Variants in SCML4 observed in about 807,000 individuals in gnomAD.
SCML4 encodes sex comb on midleg-like protein 4.
A neutral mutation model predicts 41.1 loss-of-function variants in SCML4; 34 were observed. The observed-to-expected ratio is 0.83, with a 90% CI of 0.63 to 1.10. The LOEUF (loss-of-function observed/expected upper bound fraction) is 1.10, where lower values mean the gene tolerates loss of function less well. Among genes scored for constraint, SCML4 ranks in the 50% least tolerant of loss-of-function variants. The pLI, the probability that SCML4 is intolerant of heterozygous loss-of-function variation, is 0.00. For synonymous variants in SCML4, 214 were observed against 220.9 expected (o/e 0.97, Z 0.28); for missense variants, 522 against 534.1 (o/e 0.98, Z 0.22).
chr6:107,799,209 G>T (rs566134702), intron 1 of SCML4, among the ~76,000 whole-genome samples: 8 of 152,186 alleles, frequency 5.3e-5, no homozygotes, highest in Middle Eastern at 6.8e-3. Context: ...CTTTATTTCT[G>T]TATGTTTTTG....
At chr6:107,805,190 C>T (rs572506347) in intron 1 of SCML4, among the ~76,000 whole-genome samples, 1 of 152,200 alleles carries the variant, frequency 6.6e-6, no homozygotes, top group South Asian at 2.1e-4. Context: ...GGGTGGCTGT[C>T]AAGGGTGGTG....
chr6:107,791,305 C>T (rs1035564693), intron 1 of SCML4, among the ~76,000 whole-genome samples: 3 of 152,160 alleles, frequency 2.0e-5, no homozygotes, highest in South Asian at 2.1e-4. Context: ...AGATGGCAGA[C>T]GCATGCTAAG....
chr6:107,717,320 G>A (rs573943029), intron 6 of SCML4, among the ~76,000 whole-genome samples: 19 of 149,336 alleles, frequency 1.3e-4, no homozygotes, highest in African/African-American at 4.7e-4. Flanking sequence ...AATCTTCGGA[G>A]AATTAAAGTG....
intron 6 of SCML4, among the ~76,000 whole-genome samples, chr6:107,715,803 C>T (rs1774723096): frequency 6.6e-6 from 1 of 152,196 alleles, no homozygotes; most frequent in Admixed American, 6.5e-5. Context: ...TGCCTGCAGC[C>T]TCATGCAGTT....
At chr6:107,729,381 T>C (rs1441791955) in intron 5 of SCML4, among the ~76,000 whole-genome samples, 4 of 152,208 alleles carry the variant, frequency 2.6e-5, no homozygotes, top group Non-Finnish European at 5.9e-5. Flanking sequence ...GTTTTCTCTG[T>C]GTGTCACGAT....
At chr6:107,818,239 G>C (rs1784695232) in intron 1 of SCML4, among the ~76,000 whole-genome samples, 1 of 152,084 alleles carries the variant, frequency 6.6e-6, no homozygotes, top group South Asian at 2.1e-4. Flanking sequence ...CCAATAAAAG[G>C]GGCAGTGCGC....
intron 1 of SCML4, among the ~76,000 whole-genome samples, chr6:107,788,385 C>A (rs1701758013): frequency 6.6e-6 from 1 of 152,120 alleles, no homozygotes; most frequent in Non-Finnish European, 1.5e-5. Flanking sequence ...AATTGGTAAA[C>A]CCTGTGTGAT....
intron 1 of SCML4, among the ~76,000 whole-genome samples, chr6:107,781,329 G>A (rs885470): frequency 0.43 from 65,858 of 151,916 alleles, 15,143 homozygotes; most frequent in African/African-American, 0.57. Context: ...AATCTCAGTC[G>A]TCCCACATGA....
chr6:107,764,596 C>T (rs1779880755), intron 2 of SCML4, among the ~76,000 whole-genome samples: 1 of 152,180 alleles, frequency 6.6e-6, no homozygotes, highest in East Asian at 1.9e-4. Context: ...TTCATTTCCT[C>T]CTCACCGAAG....
the SCML4 span, among the ~76,000 whole-genome samples, chr6:107,830,663 C>A: frequency 6.6e-6 from 1 of 152,248 alleles, no homozygotes; most frequent in East Asian, 1.9e-4. Context: ...TCATCTTAAT[C>A]TATGTTAGTA....
intron 5 of SCML4, among the ~76,000 whole-genome samples, chr6:107,727,344 G>C (rs1173704409): frequency 2.0e-5 from 3 of 152,168 alleles, no homozygotes; most frequent in Non-Finnish European, 4.4e-5. Context: ...TGATAGCTGC[G>C]CATATCTATA....
intron 1 of SCML4, among the ~76,000 whole-genome samples, chr6:107,796,197 T>A (rs1782697234): frequency 6.6e-6 from 1 of 152,032 alleles, no homozygotes; most frequent in Non-Finnish European, 1.5e-5. Context: ...TACCTGGGAG[T>A]GGAATTGTTG....
chr6:107,761,480 G>A (rs1258703289), intron 2 of SCML4, among the ~76,000 whole-genome samples: 6 of 149,752 alleles, frequency 4.0e-5, no homozygotes, highest in Admixed American at 2.7e-4. Flanking sequence ...TCTGTCACCC[G>A]TGCTGGAGTG....
Position 107,705,342 on chromosome 6 carries a change from A to G in SCML4, c.1120-17T>C. 6.4e-7 allele frequency: 1 copy of G among 1,551,178 alleles called. No homozygotes were observed. Among genetic ancestry groups the G allele is most frequent in the Non-Finnish European group, 8.7e-7 (1 of 1,146,694 alleles). ...ATCAATCTCCTGGTGGGATAGGATCAGAAGAAAGATAAACCCAGAAGATGG... is the reference window on the plus strand; with the variant it reads ...ATCAATCTCCTGGTGGGATAGGATCGGAAGAAAGATAAACCCAGAAGATGG... On this transcript the variant is annotated splice_polypyrimidine_tract_variant and intron_variant, in intron 7 of 7. Coordinates refer to ENST00000369020, the MANE Select transcript of SCML4 (RefSeq NM_198081.5).
intron 1 of SCML4, among the ~76,000 whole-genome samples, chr6:107,808,180 A>T (rs556643236): frequency 6.6e-6 from 1 of 152,036 alleles, no homozygotes; most frequent in South Asian, 2.1e-4. Flanking sequence ...GGGGGAAAAA[A>T]CCTCTTTGGA....
At chr6:107,781,740 A>G (rs968367867) in intron 1 of SCML4, among the ~76,000 whole-genome samples, 3 of 152,178 alleles carry the variant, frequency 2.0e-5, no homozygotes, top group Non-Finnish European at 2.9e-5. Context: ...AATCCACCAA[A>G]TATCTTTACA....
At chr6:107,760,076 T>C (rs567073934) in intron 2 of SCML4, among the ~76,000 whole-genome samples, 2 of 152,292 alleles carry the variant, frequency 1.3e-5, no homozygotes, top group African/African-American at 4.8e-5. Context: ...GTGTGTAACT[T>C]TCATTAGATT....
chr6:107,845,899 C>T, the SCML4 span, among the ~76,000 whole-genome samples: 6 of 152,198 alleles, frequency 3.9e-5, no homozygotes, highest in South Asian at 8.3e-4. Context: ...AGGTGCCACA[C>T]GTGTTGGGCA....
intron 1 of SCML4, among the ~76,000 whole-genome samples, chr6:107,804,513 C>T (rs1783571453): frequency 6.6e-6 from 1 of 152,098 alleles, no homozygotes; most frequent in Non-Finnish European, 1.5e-5. Flanking sequence ...AATTTGCATT[C>T]CAAGTATATC....
Sources: allele counts gnomAD v4.1 joint callset (sites outside exome capture counted in the v4.1 genomes callset), GRCh38; gene constraint gnomAD v4.1.1; transcripts MANE v1.5; gene names NCBI Gene and HGNC (gene_info 2026-07-23, HGNC 2026-07-21).